Variants in CNTN4 observed in about 807,000 individuals in gnomAD.
CNTN4 encodes contactin-4.
Under a neutral mutation model 122.5 loss-of-function variants are expected in CNTN4, and 77 were observed. The ratio of observed to expected loss-of-function variants is 0.63; its 90% confidence interval spans 0.52 to 0.76. The LOEUF is 0.76. Among genes scored for constraint, CNTN4 ranks in the 30% least tolerant of loss-of-function variants. CNTN4 has a pLI of 0.00. For synonymous variants in CNTN4, 512 were observed against 447.0 expected (o/e 1.15, Z -1.83); for missense variants, 1,256 against 1,259.1 (o/e 1.00, Z 0.04).
In CNTN4 at chr3:2,954,020, T is replaced by C. The variant is rs188967439; in HGVS notation, c.1358+28241T>C. Among the ~76,000 whole-genome samples the C allele has an allele frequency of 7.5e-4, 115 of 152,360 alleles. 1 individual carries two copies. Among genetic ancestry groups the C allele is most frequent in the African/African-American group, 2.5e-3 (102 of 41,594 alleles). ...TTTGGTTTTCATACTAAACAGGGAA[T>C]GGAGTATTTCTGAATCATTAATTCC... On this transcript the variant is annotated intron_variant, in intron 13 of 24. Transcript: ENST00000418658.
chr3:2,778,253 T>TAAATAAAA (rs2091428812), intron 6 of CNTN4, among the ~76,000 whole-genome samples: 1 of 149,618 alleles, frequency 6.7e-6, no homozygotes, highest in African/African-American at 2.5e-5. Flanking sequence ...AATAAATAAA[T>TAAATAAAA]AAAATAAAGA....
rs574685826 is a variant in CNTN4 at position 2,520,806 on chromosome 3, C to A, written c.-88-50610C>A. On this transcript the variant is annotated intron_variant, in intron 3 of 24. Coordinates refer to ENST00000418658, the MANE Select transcript of CNTN4 (RefSeq NM_175607.3). ...AAGCACAGTCATTTTTCTTGCGTAC[C>A]TGTGCAGATGACAGAATCACCAGGT... 5.3e-5 allele frequency among the ~76,000 whole-genome samples: 8 copies of A among 152,140 alleles called. No individual in the cohort carries two copies. The South Asian group carries it at 1.2e-3, about 24-fold the overall frequency.
intron 2 of CNTN4, among the ~76,000 whole-genome samples, chr3:2,163,674 A>G (rs2036060591): frequency 6.6e-6 from 1 of 152,170 alleles, no homozygotes; most frequent in African/African-American, 2.4e-5. Context: ...CCCATCAAAA[A>G]GTGGGCAAAG....
At chr3:2,728,720 G>C (rs1259097905) in intron 4 of CNTN4, among the ~76,000 whole-genome samples, 1 of 152,200 alleles carries the variant, frequency 6.6e-6, no homozygotes, top group Middle Eastern at 3.2e-3. Flanking sequence ...ATGTGACCCA[G>C]GTACAACTCA....
chr3:2,120,371 AT>A (rs2033650023), intron 2 of CNTN4, among the ~76,000 whole-genome samples: 30 of 48,294 alleles, frequency 6.2e-4, no homozygotes, highest in African/African-American at 1.2e-3. Flanking sequence ...ATATATATAT[AT>A]AAATATATAT....
intron 4 of CNTN4, among the ~76,000 whole-genome samples, chr3:2,614,531 T>C (rs1338864711): frequency 1.3e-5 from 2 of 152,080 alleles, no homozygotes; most frequent in Non-Finnish European, 2.9e-5. Flanking sequence ...CAAACTGGTG[T>C]AGTGAAATGT....
intron 7 of CNTN4, among the ~76,000 whole-genome samples, chr3:2,834,366 A>T (rs927085995): frequency 6.6e-6 from 1 of 152,052 alleles, no homozygotes; most frequent in Non-Finnish European, 1.5e-5. Context: ...GGAGTTTCAG[A>T]CCAGCCTGGC....
At chr3:2,287,626 GAGAAGGAGAAGAAGAAGAAGA>G (rs1369153373) in intron 2 of CNTN4, among the ~76,000 whole-genome samples, 27 of 48,568 alleles carry the variant, frequency 5.6e-4, no homozygotes, top group Admixed American at 1.5e-3. Flanking sequence ...GAAGGAGAAG[GAGAAGGAGAAGAAGAAGAAGA>G]AGAAGAAGAA....
chr3:2,482,016 T>C (rs1300110836), intron 3 of CNTN4, among the ~76,000 whole-genome samples: 2 of 151,664 alleles, frequency 1.3e-5, no homozygotes, highest in African/African-American at 4.9e-5. Flanking sequence ...CTGCAGAGAG[T>C]GGGGTGCTGC....
intron 2 of CNTN4, among the ~76,000 whole-genome samples, chr3:2,194,062 A>T (rs997160548): frequency 3.9e-5 from 6 of 152,098 alleles, no homozygotes; most frequent in African/African-American, 1.4e-4. Context: ...ATGGGTACAT[A>T]AAAAAATGTC....
intron 6 of CNTN4, among the ~76,000 whole-genome samples, 187 bp from the exon 7 acceptor site, chr3:2,819,299 A>G (rs1298570605): frequency 6.6e-6 from 1 of 152,230 alleles, no homozygotes; most frequent in Non-Finnish European, 1.5e-5. Context: ...TTTAGTGGAC[A>G]GTATAACCAT....
chr3:3,043,473 C>T, intron 22 of CNTN4, 119 bp from the exon 23 acceptor site: 1 of 784,398 alleles, frequency 1.3e-6, no homozygotes, highest in African/African-American at 1.7e-5. Flanking sequence ...CTTGAAGACA[C>T]ATATTAGTGC....
chr3:2,196,084 T>C (rs1218777079), intron 2 of CNTN4, among the ~76,000 whole-genome samples: 1 of 152,224 alleles, frequency 6.6e-6, no homozygotes, highest in Admixed American at 6.5e-5. Flanking sequence ...CTATGCTTAA[T>C]GAAAATTCAG....
At chr3:2,183,487 A>C (rs2149293746) in intron 2 of CNTN4, among the ~76,000 whole-genome samples, 1 of 152,244 alleles carries the variant, frequency 6.6e-6, no homozygotes, top group South Asian at 2.1e-4. Flanking sequence ...TTGCCCAATA[A>C]ATTATTCCCG....
chr3:2,300,004 A>G (rs1249912613), intron 2 of CNTN4, among the ~76,000 whole-genome samples: 1 of 152,208 alleles, frequency 6.6e-6, no homozygotes, highest in Non-Finnish European at 1.5e-5. Context: ...GAAATAAATC[A>G]GAGAAGGTAA....
At chr3:2,109,570 G>T (rs1179348634) in intron 2 of CNTN4, among the ~76,000 whole-genome samples, 1 of 152,132 alleles carries the variant, frequency 6.6e-6, no homozygotes, top group Non-Finnish European at 1.5e-5. Flanking sequence ...GTGAGGACAG[G>T]TGTTGCATGT....
intron 17 of CNTN4, among the ~76,000 whole-genome samples, 198 bp downstream of exon 17, chr3:3,034,988 C>T (rs974425261): frequency 2.0e-5 from 3 of 151,992 alleles, no homozygotes; most frequent in Non-Finnish European, 4.4e-5. Context: ...TTTTTAAACT[C>T]ATCCTAAGCA....
At chr3:2,300,400 T>C (rs2150064754) in intron 2 of CNTN4, among the ~76,000 whole-genome samples, 1 of 152,198 alleles carries the variant, frequency 6.6e-6, no homozygotes, top group South Asian at 2.1e-4. Context: ...GCATGTTTTA[T>C]CTTAAGCAAT....
intron 13 of CNTN4, among the ~76,000 whole-genome samples, chr3:2,951,578 G>T (rs539470718): frequency 6.6e-6 from 1 of 152,250 alleles, no homozygotes; most frequent in South Asian, 2.1e-4. Context: ...TGCATAATTC[G>T]TCTAAACTTA....
Sources: gnomAD v4.1 joint callset for allele counts (sites outside exome capture counted in the v4.1 genomes callset) on GRCh38, gnomAD v4.1.1 for gene constraint, MANE v1.5 for transcripts, NCBI Gene and HGNC (gene_info 2026-07-23, HGNC 2026-07-21) for gene names.